ZNF385B: variants seen among roughly 807,000 people sequenced by gnomAD.
The protein encoded by ZNF385B is zinc finger protein 385B, also known as zinc finger protein 533.
A neutral mutation model predicts 39.2 loss-of-function variants in ZNF385B; 23 were observed. That is an observed-to-expected ratio of 0.59 (90% confidence interval 0.42 to 0.83). ZNF385B has a LOEUF of 0.83. ZNF385B is among the 40% of genes least tolerant of loss of function. The pLI, the probability that ZNF385B is intolerant of heterozygous loss-of-function variation, is 0.00. For missense variants in ZNF385B, 552 were observed against 598.9 expected (o/e 0.92, Z 0.82); for synonymous variants, 205 against 222.6 (o/e 0.92, Z 0.70).
chr2:179,788,813 A>G (rs1705156904), intron 1 of ZNF385B, among the ~76,000 whole-genome samples: 1 of 152,122 alleles, frequency 6.6e-6, no homozygotes, highest in Non-Finnish European at 1.5e-5. Flanking sequence ...GCTGCAAACA[A>G]AAGAGGATGC....
At chr2:179,445,413 A>T in intron 8 of ZNF385B, 137 bp downstream of exon 8, 2 of 730,264 alleles carry the variant, frequency 2.7e-6, no homozygotes, top group Admixed American at 3.1e-5. Context: ...TAGCACCTAT[A>T]TGTTGCATAT....
intron 1 of ZNF385B, among the ~76,000 whole-genome samples, chr2:179,825,909 C>G (rs1047667462): frequency 6.6e-6 from 1 of 152,174 alleles, no homozygotes. Flanking sequence ...ATTGCCCCCC[C>G]ATCTCTGTCC....
chr2:179,789,775 A>G (rs1705215364), intron 1 of ZNF385B, among the ~76,000 whole-genome samples: 2 of 152,176 alleles, frequency 1.3e-5, no homozygotes, highest in African/African-American at 2.4e-5. Context: ...TATTTGTAGC[A>G]TGTTGGGATA....
intron 3 of ZNF385B, among the ~76,000 whole-genome samples, chr2:179,686,017 T>C (rs1438722958): frequency 6.6e-6 from 1 of 152,234 alleles, no homozygotes; most frequent in African/African-American, 2.4e-5. Context: ...TTTTCCCTTC[T>C]TCCCTTTCAG....
chr2:179,614,029 A>G (rs891522705), intron 3 of ZNF385B, among the ~76,000 whole-genome samples: 2 of 151,750 alleles, frequency 1.3e-5, no homozygotes, highest in African/African-American at 4.8e-5. Flanking sequence ...CTATATCACT[A>G]TGGTCTCCCT....
At chr2:179,810,716 G>T (rs571905847) in intron 1 of ZNF385B, among the ~76,000 whole-genome samples, 5 of 151,998 alleles carry the variant, frequency 3.3e-5, no homozygotes, top group Non-Finnish European at 7.4e-5. Flanking sequence ...TTCAACTACT[G>T]GTGTAAAAGT....
At chr2:179,808,496 A>G (rs1179021298) in intron 1 of ZNF385B, among the ~76,000 whole-genome samples, 1 of 152,236 alleles carries the variant, frequency 6.6e-6, no homozygotes, top group African/African-American at 2.4e-5. Flanking sequence ...CCTAAAAAAA[A>G]TAACTAAGGC....
intron 5 of ZNF385B, among the ~76,000 whole-genome samples, chr2:179,516,417 C>A (rs1000837233): frequency 6.6e-6 from 1 of 152,054 alleles, no homozygotes; most frequent in African/African-American, 2.4e-5. Flanking sequence ...TATGAGAGGT[C>A]CAGTTGCTCC....
At chr2:179,706,584 G>T (rs1319351322) in intron 3 of ZNF385B, among the ~76,000 whole-genome samples, 12 of 152,276 alleles carry the variant, frequency 7.9e-5, no homozygotes, top group Admixed American at 6.5e-4. Context: ...AAGGACAACA[G>T]CTGCTGTCCT....
At chr2:179,680,679 A>G (rs1268844666) in intron 3 of ZNF385B, among the ~76,000 whole-genome samples, 1 of 152,074 alleles carries the variant, frequency 6.6e-6, no homozygotes, top group Non-Finnish European at 1.5e-5. Context: ...TTCTTTTTTG[A>G]CTTTCCTTCA....
At chr2:179,463,615 G>T (rs2051619427) in intron 6 of ZNF385B, among the ~76,000 whole-genome samples, 3 of 151,794 alleles carry the variant, frequency 2.0e-5, no homozygotes, top group African/African-American at 4.8e-5. Flanking sequence ...TTGATTTTCT[G>T]TTCTTGTGAT....
At chr2:179,498,841 T>C (rs768128176) in intron 5 of ZNF385B, among the ~76,000 whole-genome samples, 11 of 151,440 alleles carry the variant, frequency 7.3e-5, no homozygotes, top group Non-Finnish European at 1.3e-4. Flanking sequence ...ATAAATAAAA[T>C]TGACATGAAA....
At chr2:179,590,046 C>T (rs1175863069) in intron 3 of ZNF385B, among the ~76,000 whole-genome samples, 1 of 152,184 alleles carries the variant, frequency 6.6e-6, no homozygotes, top group African/African-American at 2.4e-5. Flanking sequence ...AACATCTCTG[C>T]TATTGTGTGG....
At position 179,725,431 on chromosome 2, in the gene ZNF385B, A is replaced by T. The variant is rs1160112905; in HGVS notation, c.298+44072T>A. ...CATATATATAAAAACACATACGTGC[A>T]TGTATATATATTTATGAATATATAT... On this transcript the variant is annotated intron_variant, in intron 3 of 9. Transcript: ENST00000410066. Among the ~76,000 whole-genome samples the T allele has an allele frequency of 2.0e-4, 31 of 151,936 alleles. 1 individual carries two copies. Among genetic ancestry groups the T allele is most frequent in the Admixed American group, 2.0e-3 (31 of 15,236 alleles).
chr2:179,524,699 A>C (rs1463887721), intron 4 of ZNF385B, among the ~76,000 whole-genome samples: 3 of 152,088 alleles, frequency 2.0e-5, no homozygotes, highest in Non-Finnish European at 4.4e-5. Context: ...ATAATTTAAA[A>C]AGTTAAAAAG....
At chr2:179,465,577 C>G (rs1353752551) in intron 6 of ZNF385B, among the ~76,000 whole-genome samples, 1 of 152,074 alleles carries the variant, frequency 6.6e-6, no homozygotes, top group East Asian at 1.9e-4. Flanking sequence ...TTCTTAAATT[C>G]TCTCTCTTAC....
At chr2:179,702,829 A>T (rs12471882) in intron 3 of ZNF385B, among the ~76,000 whole-genome samples, 20,298 of 152,214 alleles carry the variant, frequency 0.13, 1,479 homozygotes, top group East Asian at 0.21. Flanking sequence ...ATTGTTTTTA[A>T]GTTTTGAGGG....
chr2:179,707,965 T>C (rs956326356), intron 3 of ZNF385B, among the ~76,000 whole-genome samples: 1 of 152,190 alleles, frequency 6.6e-6, no homozygotes. Flanking sequence ...ACCAACCCGT[T>C]AGACTAGGAT....
chr2:179,456,382 AACAGACATAAT>A (rs1206546103), intron 6 of ZNF385B, among the ~76,000 whole-genome samples: 1 of 152,184 alleles, frequency 6.6e-6, no homozygotes, highest in African/African-American at 2.4e-5. Context: ...TTACCTATCC[AACAGACATAAT>A]ATGGTATCTC....
Sources: allele counts gnomAD v4.1 joint callset (sites outside exome capture counted in the v4.1 genomes callset), GRCh38; gene constraint gnomAD v4.1.1; transcripts MANE v1.5; gene names NCBI Gene and HGNC (gene_info 2026-07-23, HGNC 2026-07-21).